SETBP1: variants seen among roughly 807,000 people sequenced by gnomAD.
SETBP1 encodes SET-binding protein.
SETBP1 carries 9 observed loss-of-function variants against 101.0 expected under a neutral mutation model. The observed-to-expected ratio is 0.09, with a 90% CI of 0.05 to 0.16. The LOEUF (loss-of-function observed/expected upper bound fraction) is 0.16, where lower values mean the gene tolerates loss of function less well. Among genes scored for constraint, SETBP1 ranks in the 10% least tolerant of loss-of-function variants. SETBP1 has a pLI of 1.00. For missense variants in SETBP1, 1,858 were observed against 2,033.8 expected (o/e 0.91, Z 1.66); for synonymous variants, 818 against 788.5 (o/e 1.04, Z -0.63).
chr18:44,817,556 G>A (rs1306345036), intron 2 of SETBP1, among the ~76,000 whole-genome samples: 2 of 151,864 alleles, frequency 1.3e-5, no homozygotes, highest in Non-Finnish European at 2.9e-5. Flanking sequence ...GTGGTGGCAG[G>A]CACCTGTAAT....
At chr18:44,938,968 G>GTGTGTA (rs2145036469) in intron 3 of SETBP1, among the ~76,000 whole-genome samples, 1 of 151,604 alleles carries the variant, frequency 6.6e-6, no homozygotes, top group East Asian at 1.9e-4. Context: ...ATGTGTGTGT[G>GTGTGTA]TGTGTGTGTG....
At chr18:44,724,277 T>G (rs2069661789) in intron 2 of SETBP1, among the ~76,000 whole-genome samples, 1 of 152,162 alleles carries the variant, frequency 6.6e-6, no homozygotes, top group Non-Finnish European at 1.5e-5. Flanking sequence ...ATGTGAATGT[T>G]GGGAAAAGTC....
At chr18:45,051,831 G>A (rs542385175) in intron 5 of SETBP1, among the ~76,000 whole-genome samples, 6 of 152,292 alleles carry the variant, frequency 3.9e-5, no homozygotes, top group African/African-American at 1.4e-4. Context: ...AAGTTTAGGT[G>A]TTGGTCTATA....
chr18:44,896,001 G>A (rs1034704013), intron 3 of SETBP1, among the ~76,000 whole-genome samples: 2 of 152,078 alleles, frequency 1.3e-5, no homozygotes, highest in Non-Finnish European at 2.9e-5. Flanking sequence ...TCCCTGATAG[G>A]AGCATGATCA....
chr18:44,855,868 A>G (rs1429416454), intron 2 of SETBP1, among the ~76,000 whole-genome samples: 2 of 152,194 alleles, frequency 1.3e-5, no homozygotes, highest in Non-Finnish European at 2.9e-5. Flanking sequence ...GAAAAAGTTG[A>G]AAGCACTTGG....
chr18:44,952,703 T>C lies in SETBP1; in HGVS notation c.3363T>C (p.Val1121=), dbSNP rs564404230. ...AKHGVHLQGP[V]SMGLGDMQPS... ...ATGGAGTACACCTGCAGGGACCTGT[T>C]AGCATGGGCCTTGGTGACATGCAGC... Residue 1121 remains valine (V), a synonymous_variant, in exon 4 of 6, where the codon GTT becomes GTC. Transcript: ENST00000649279. 24 of 1,614,066 alleles carry C rather than the reference T, an allele frequency of 1.5e-5. No homozygotes were observed. Among genetic ancestry groups the C allele is most frequent in the Non-Finnish European group, 1.9e-5 (22 of 1,180,008 alleles).
rs1211461419 is a variant in SETBP1, at chr18:44,923,885, A to C, written c.541-25996A>C. Among the ~76,000 whole-genome samples the C allele has an allele frequency of 5.3e-5, 8 of 152,302 alleles. No individual in the cohort carries two copies. The South Asian group carries it at 1.7e-3, about 32-fold the overall frequency. On this transcript the variant is annotated intron_variant, in intron 3 of 5. Coordinates refer to ENST00000649279, the MANE Select transcript of SETBP1 (RefSeq NM_015559.3). The stretch of plus-strand genomic sequence containing the variant: ...GAGGAGTGTGTGCAGTCTAGAAGAC[A>C]CAAGATAGCAGATGCCCATGAGAAA...
chr18:44,841,182 C>G (rs138829548), intron 2 of SETBP1, among the ~76,000 whole-genome samples: 1,711 of 152,250 alleles, frequency 0.011, 21 homozygotes, highest in Non-Finnish European at 0.019. Context: ...TTGGCCATGG[C>G]TGTAGTCATC....
chr18:44,788,448 A>T (rs188478725), intron 2 of SETBP1, among the ~76,000 whole-genome samples: 1 of 152,168 alleles, frequency 6.6e-6, no homozygotes, highest in African/African-American at 2.4e-5. Context: ...TCTGTATTTT[A>T]TCTTGATGGG....
At chr18:44,767,659 C>T (rs748321753) in intron 2 of SETBP1, among the ~76,000 whole-genome samples, 10 of 152,150 alleles carry the variant, frequency 6.6e-5, no homozygotes, top group African/African-American at 9.7e-5. Context: ...CAACATAGGC[C>T]ACCACCATCC....
intron 4 of SETBP1, among the ~76,000 whole-genome samples, chr18:45,034,264 T>A (rs1449964565): frequency 3.9e-5 from 6 of 152,224 alleles, no homozygotes; most frequent in African/African-American, 1.2e-4. Context: ...CCTTTTCGCA[T>A]CCTGGGGCAG....
chr18:44,823,074 T>G (rs2072150989), intron 2 of SETBP1, among the ~76,000 whole-genome samples: 1 of 152,196 alleles, frequency 6.6e-6, no homozygotes, highest in South Asian at 2.1e-4. Context: ...GAGGTTGCAG[T>G]GAACCTAGAT....
At chr18:44,904,663 G>A (rs1459022231) in intron 3 of SETBP1, among the ~76,000 whole-genome samples, 1 of 152,162 alleles carries the variant, frequency 6.6e-6, no homozygotes, top group Non-Finnish European at 1.5e-5. Flanking sequence ...GGTTAGGGTA[G>A]GCTAGACTGA....
intron 2 of SETBP1, among the ~76,000 whole-genome samples, chr18:44,854,830 A>G (rs920318871): frequency 6.6e-6 from 1 of 152,114 alleles, no homozygotes; most frequent in Non-Finnish European, 1.5e-5. Context: ...ACCATGACCT[A>G]TACCTCTTAG....
intron 3 of SETBP1, among the ~76,000 whole-genome samples, chr18:44,873,785 C>T (rs1786481167): frequency 6.6e-6 from 1 of 152,080 alleles, no homozygotes; most frequent in Non-Finnish European, 1.5e-5. Flanking sequence ...ATAAATTAGG[C>T]TTAAAAATTA....
At chr18:44,731,533 G>C (rs2069837349) in intron 2 of SETBP1, among the ~76,000 whole-genome samples, 1 of 152,064 alleles carries the variant, frequency 6.6e-6, no homozygotes, top group Non-Finnish European at 1.5e-5. Context: ...TTTGATTTGT[G>C]AATAAAAATG....
At chr18:44,901,533 G>C (rs907819939) in intron 3 of SETBP1, among the ~76,000 whole-genome samples, 7 of 152,126 alleles carry the variant, frequency 4.6e-5, no homozygotes, top group Admixed American at 3.3e-4. Context: ...TCTTCCTTTT[G>C]GCTGAAGCTT....
rs1190697070 is a variant in SETBP1 at position 44,682,785 on chromosome 18, TC to T, written c.-173+1769del. ...GTGTTGCTTGGCACACGATTTCTCC[TC>T]CCCCGTTAAGGGGACAAAACCAAAA... On this transcript the variant is annotated intron_variant, in intron 1 of 5. Coordinates refer to ENST00000649279, the MANE Select transcript of SETBP1 (RefSeq NM_015559.3). 3.9e-5 allele frequency among the ~76,000 whole-genome samples: 6 copies of T among 152,204 alleles called. No homozygotes were observed. In the East Asian group the frequency reaches 1.2e-3, roughly 29 times the overall value.
At chr18:44,973,338 CT>C (rs987972336) in intron 4 of SETBP1, among the ~76,000 whole-genome samples, 3 of 152,008 alleles carry the variant, frequency 2.0e-5, no homozygotes, top group Non-Finnish European at 4.4e-5. Context: ...CTAAAATTCT[CT>C]TTTTTTTGTT....
Sources: gnomAD v4.1 joint callset for allele counts (sites outside exome capture counted in the v4.1 genomes callset) on GRCh38, gnomAD v4.1.1 for gene constraint, MANE v1.5 for transcripts, NCBI Gene and HGNC (gene_info 2026-07-23, HGNC 2026-07-21) for gene names.